The following PCGF3 variants were observed in gnomAD, a reference collection of about 807,000 sequenced individuals.
PCGF3 encodes the protein polycomb group ring finger 3, also known as polycomb group RING finger protein 3.
In PCGF3, 7 loss-of-function variants were observed where a neutral mutation model predicts 33.1. The ratio of observed to expected loss-of-function variants is 0.21; its 90% CI spans 0.12 to 0.40. PCGF3 has a LOEUF of 0.40. Among genes scored for constraint, PCGF3 ranks in the 10% least tolerant of loss-of-function variants. The pLI, the probability that PCGF3 is intolerant of heterozygous loss-of-function variation, is 1.00. For missense variants in PCGF3, 211 were observed against 313.3 expected, an observed-to-expected ratio of 0.67 and a Z score of 2.46; for synonymous variants, 153 against 121.3, an observed-to-expected ratio of 1.26 and a Z score of -1.72.
At chr4:761,448 C>T (rs766167352) in intron 9 of PCGF3, 32 bp downstream of exon 9, 10 of 1,544,432 alleles carry the variant, frequency 6.5e-6, no homozygotes, top group Non-Finnish European at 8.8e-6. Flanking sequence ...GAAACCATAA[C>T]AAGTCCTCTC....
At chr4:768,743 C>A (rs1483854228) in exon 11 of PCGF3, 1 of 152,504 alleles carries the variant, frequency 6.6e-6, no homozygotes, top group Non-Finnish European at 1.5e-5. Context: ...ATCATATTTT[C>A]CCATCCAATT....
intron 1 of PCGF3, chr4:723,797 CCT>C (rs1178338615): frequency 3.3e-5 from 5 of 152,510 alleles, no homozygotes; most frequent in African/African-American, 1.2e-4. Context: ...TGCAACACCC[CCT>C]GTGACCCAGG....
chr4:764,929 T>C (rs374625520), intron 9 of PCGF3, 55 bp from the exon 10 acceptor site: 211 of 1,217,184 alleles, frequency 1.7e-4, no homozygotes, highest in Non-Finnish European at 2.4e-4. Flanking sequence ...AAGGTGGCCA[T>C]GTCAGTGTGG....
chr4:765,583 G>A (rs765763827), intron 10 of PCGF3, among the ~76,000 whole-genome samples: 17 of 152,228 alleles, frequency 1.1e-4, no homozygotes, highest in Non-Finnish European at 2.1e-4. Flanking sequence ...CTGAGGCCAT[G>A]AGTGCCATGA....
At chr4:735,240 A>G (rs956374454) in intron 5 of PCGF3, among the ~76,000 whole-genome samples, 2 of 152,234 alleles carry the variant, frequency 1.3e-5, no homozygotes, top group Non-Finnish European at 2.9e-5. Context: ...GTGCCTGCAC[A>G]TACATTTCCA....
chr4:734,689 A>G (rs1422230308), intron 4 of PCGF3: 5 of 1,318,988 alleles, frequency 3.8e-6, no homozygotes, highest in Non-Finnish European at 4.8e-6. Context: ...TTTTTTTCCC[A>G]CTTAATTCCT....
At chr4:711,000 C>T (rs1029270803) in intron 1 of PCGF3, among the ~76,000 whole-genome samples, 2 of 152,252 alleles carry the variant, frequency 1.3e-5, no homozygotes, top group African/African-American at 4.8e-5. Context: ...CCGTAGGAGA[C>T]GTGAGACCTT....
intron 1 of PCGF3, among the ~76,000 whole-genome samples, chr4:706,468 G>T (rs1742308597): frequency 7.2e-6 from 1 of 139,192 alleles, no homozygotes; most frequent in Non-Finnish European, 1.5e-5. Flanking sequence ...GGAGGGCAAA[G>T]ACCCCAGAAC....
At chr4:758,370 A>C (rs1239823815) in intron 8 of PCGF3, among the ~76,000 whole-genome samples, 581 of 64,232 alleles carry the variant, frequency 9.0e-3, no homozygotes, top group African/African-American at 0.019. Flanking sequence ...TCTCCCCTCG[A>C]GGCCCCTCTC....
At chr4:738,630 A>G (rs1037453870) in intron 6 of PCGF3, among the ~76,000 whole-genome samples, 1 of 151,718 alleles carries the variant, frequency 6.6e-6, no homozygotes, top group African/African-American at 2.4e-5. Context: ...CGGGTGGATC[A>G]TCAGGTCAAG....
rs57690550 is a variant in PCGF3, at chr4:727,233, C to CTTTTTTTTTTTTTTT, written c.-189-3386_-189-3372dup. On this transcript the variant is annotated intron_variant, in intron 1 of 10. Transcript: ENST00000362003. ...AGAGGATGTGTGTGTTAGCGAGCGT[C>CTTTTTTTTTTTTTTT]TTTTTTTTTTTTTTTTTTTTTTTTT... Among the ~76,000 whole-genome samples the CTTTTTTTTTTTTTTT allele has an allele frequency of 8.6e-4, 53 of 61,900 alleles. 4 individuals carry two copies. The highest frequency in any genetic ancestry group is 1.7e-3 in the South Asian group (2 of 1,146). The allele number at this position is 61,900 out of a possible 152,430, so 40.6% of individuals were successfully genotyped here.
intron 3 of PCGF3, among the ~76,000 whole-genome samples, chr4:731,503 G>A (rs1743558439): frequency 6.6e-6 from 1 of 151,472 alleles, no homozygotes. Flanking sequence ...CCTCCCGGGT[G>A]CTCTGTCCCC....
At chr4:749,760 G>A (rs570414172) in intron 8 of PCGF3, among the ~76,000 whole-genome samples, 65 of 152,244 alleles carry the variant, frequency 4.3e-4, no homozygotes, top group Middle Eastern at 3.4e-3. Flanking sequence ...GTGAGTCACT[G>A]CACCCAGCCT....
At chr4:766,624 A>G (rs1456587286) in exon 11 of PCGF3, 1 of 152,468 alleles carries the variant, frequency 6.6e-6, no homozygotes, top group Non-Finnish European at 1.5e-5. Flanking sequence ...TTCCATTAAC[A>G]TTATGATTTA....
chr4:723,784 G>C (rs933754444), intron 1 of PCGF3: 1 of 152,510 alleles, frequency 6.6e-6, no homozygotes, highest in Admixed American at 6.5e-5. Flanking sequence ...GGAGGGGCTG[G>C]AGTGCAACAC....
chr4:761,673 T>A, intron 9 of PCGF3: 2 of 985,332 alleles, frequency 2.0e-6, no homozygotes, highest in Non-Finnish European at 2.4e-6. Context: ...GAGACTGTTT[T>A]AAAATAGGAT....
At chr4:763,413 C>A (rs138688361) in intron 9 of PCGF3, among the ~76,000 whole-genome samples, 1 of 152,106 alleles carries the variant, frequency 6.6e-6, no homozygotes, top group African/African-American at 2.4e-5. Context: ...AACCGTGCCT[C>A]TGAGCCCCCA....
At chr4:766,083 G>A (rs750654963) in exon 11 of PCGF3, 17 of 1,613,552 alleles carry the variant, frequency 1.1e-5, no homozygotes, top group South Asian at 7.7e-5. Context: ...GCTGTGAATG[G>A]TGCCACACAG....
At chr4:767,883 A>G (rs1745449584) in exon 11 of PCGF3, 1 of 152,670 alleles carries the variant, frequency 6.6e-6, no homozygotes, top group Non-Finnish European at 1.5e-5. Flanking sequence ...CATACTGCTG[A>G]AGCATTCTGT....
Sources: gnomAD v4.1 joint callset for allele counts (sites outside exome capture counted in the v4.1 genomes callset) on GRCh38, gnomAD v4.1.1 for gene constraint, MANE v1.5 for transcripts, NCBI Gene and HGNC (gene_info 2026-07-23, HGNC 2026-07-21) for gene names.